PCDH15: variants seen among roughly 807,000 people sequenced by gnomAD.
The protein encoded by PCDH15 is protocadherin-15.
A neutral mutation model predicts 178.5 loss-of-function variants in PCDH15; 129 were observed. The ratio of observed to expected loss-of-function variants is 0.72; its 90% CI spans 0.63 to 0.84. The LOEUF (loss-of-function observed/expected upper bound fraction) is 0.84. Ranked by LOEUF, PCDH15 falls within the 40% of genes least tolerant of loss-of-function variation. The probability of loss-of-function intolerance (pLI) is 0.00; values close to 1 mark genes in which losing one functional copy is unlikely to be tolerated. For missense variants in PCDH15, 2,230 were observed against 2,099.9 expected, an observed-to-expected ratio of 1.06 and a Z score of -1.21; for synonymous variants, 800 against 732.0, an observed-to-expected ratio of 1.09 and a Z score of -1.50.
intron 2 of PCDH15, among the ~76,000 whole-genome samples, chr10:55,079,958 T>C (rs1841995811): frequency 6.6e-6 from 1 of 152,084 alleles, no homozygotes; most frequent in Admixed American, 6.5e-5. Context: ...GCTTAGGCTC[T>C]AGTAGGTAGA....
At chr10:54,871,387 T>C (rs1954037378) in intron 3 of PCDH15, among the ~76,000 whole-genome samples, 1 of 150,848 alleles carries the variant, frequency 6.6e-6, no homozygotes, top group African/African-American at 2.4e-5. Context: ...AATAAGCTAC[T>C]TGAAAAAAAA....
At chr10:53,824,592 C>G (rs2076546445) in intron 32 of PCDH15, among the ~76,000 whole-genome samples, 2 of 152,054 alleles carry the variant, frequency 1.3e-5, no homozygotes, top group South Asian at 4.1e-4. Context: ...CCTACTTGGA[C>G]AACAAAGAAA....
chr10:54,830,158 T>C (rs1465760361), intron 3 of PCDH15, among the ~76,000 whole-genome samples: 1 of 152,178 alleles, frequency 6.6e-6, no homozygotes, highest in Non-Finnish European at 1.5e-5. Flanking sequence ...AGTTCAACCA[T>C]TGTGGAAGTC....
chr10:54,102,328 G>T (rs1280174314), intron 15 of PCDH15, among the ~76,000 whole-genome samples: 1 of 152,178 alleles, frequency 6.6e-6, no homozygotes, highest in East Asian at 1.9e-4. Context: ...TTTCCGGTGG[G>T]CCTTATGGAC....
intron 30 of PCDH15, among the ~76,000 whole-genome samples, chr10:53,830,545 A>G (rs1398462759): frequency 6.6e-6 from 1 of 152,190 alleles, no homozygotes; most frequent in Non-Finnish European, 1.5e-5. Context: ...TATACTTAAA[A>G]TGTGTGGCTC....
At chr10:54,056,889 A>G (rs2093902733) in intron 18 of PCDH15, among the ~76,000 whole-genome samples, 1 of 152,208 alleles carries the variant, frequency 6.6e-6, no homozygotes, top group Non-Finnish European at 1.5e-5. Flanking sequence ...AAATATACCC[A>G]TTCCAAATGA....
At chr10:54,759,637 A>T (rs574718256) in intron 1 of PCDH15, among the ~76,000 whole-genome samples, 14 of 152,334 alleles carry the variant, frequency 9.2e-5, no homozygotes, top group African/African-American at 3.4e-4. Flanking sequence ...GCGTATTTTT[A>T]AAATTGTTAT....
intron 1 of PCDH15, among the ~76,000 whole-genome samples, chr10:55,278,069 T>C (rs1282062809): frequency 1.3e-5 from 2 of 152,124 alleles, no homozygotes; most frequent in African/African-American, 4.8e-5. Flanking sequence ...CAGAAAAAGA[T>C]ACATCATAAA....
chr10:54,454,462 T>C (rs1318159572), intron 3 of PCDH15, among the ~76,000 whole-genome samples: 1 of 148,994 alleles, frequency 6.7e-6, no homozygotes, highest in Non-Finnish European at 1.5e-5. Context: ...AATTAATTTT[T>C]AATTAATAAT....
At chr10:54,091,026 C>T (rs529931539) in intron 15 of PCDH15, among the ~76,000 whole-genome samples, 1 of 152,188 alleles carries the variant, frequency 6.6e-6, no homozygotes, top group South Asian at 2.1e-4. Context: ...GAGAAGAAAA[C>T]ATATAGTTTG....
At chr10:54,454,617 G>A (rs1033799185) in intron 3 of PCDH15, among the ~76,000 whole-genome samples, 1 of 151,886 alleles carries the variant, frequency 6.6e-6, no homozygotes, top group Non-Finnish European at 1.5e-5. Flanking sequence ...TCAATGTGGT[G>A]TTTTATTCCT....
chr10:53,868,247 T>G (rs1336191040), intron 26 of PCDH15, among the ~76,000 whole-genome samples: 1 of 151,924 alleles, frequency 6.6e-6, no homozygotes, highest in African/African-American at 2.4e-5. Flanking sequence ...TATCCGATTA[T>G]TCTTATTTTT....
At chr10:54,622,421 T>C (rs973239501) in intron 2 of PCDH15, among the ~76,000 whole-genome samples, 1 of 148,838 alleles carries the variant, frequency 6.7e-6, no homozygotes, top group Non-Finnish European at 1.5e-5. Context: ...AATTTTGTTT[T>C]CCATGAGTTC....
At chr10:54,424,100 T>C (rs1955911451) in intron 3 of PCDH15, among the ~76,000 whole-genome samples, 1 of 151,760 alleles carries the variant, frequency 6.6e-6, no homozygotes, top group South Asian at 2.1e-4. Context: ...GGAGAAAAGT[T>C]TGCAATCTAC....
chr10:55,372,238 G>A (rs1015376877), intron 2 of PCDH15, among the ~76,000 whole-genome samples: 12 of 152,054 alleles, frequency 7.9e-5, no homozygotes, highest in Non-Finnish European at 4.4e-5. Flanking sequence ...GCTCTTAAAT[G>A]TCCAAGCTCT....
intron 2 of PCDH15, among the ~76,000 whole-genome samples, chr10:55,582,323 T>A (rs1842630651): frequency 6.6e-6 from 1 of 152,104 alleles, no homozygotes; most frequent in Non-Finnish European, 1.5e-5. Context: ...TAATCTACCA[T>A]GCAATTTATC....
At chr10:55,487,512 A>G (rs1385624965) in intron 2 of PCDH15, among the ~76,000 whole-genome samples, 1 of 151,584 alleles carries the variant, frequency 6.6e-6, no homozygotes, top group Non-Finnish European at 1.5e-5. Flanking sequence ...CTCTCATAGC[A>G]TCTATCTGAG....
intron 3 of PCDH15, among the ~76,000 whole-genome samples, chr10:54,831,448 T>C (rs973401324): frequency 3.9e-5 from 6 of 152,122 alleles, no homozygotes; most frequent in Non-Finnish European, 8.8e-5. Flanking sequence ...TTTTTTTCTA[T>C]TTTACCAGTT....
rs565306740 is a variant in PCDH15 at position 54,660,280 on chromosome 10, A to T, written c.91+3892T>A. 2.0e-5 allele frequency among the ~76,000 whole-genome samples: 3 copies of T among 152,268 alleles called. No individual in the cohort carries two copies. The East Asian group carries it at 5.8e-4, about 29-fold the overall frequency. On this transcript the variant is annotated intron_variant, in intron 2 of 37. Coordinates refer to ENST00000644397, the MANE Select transcript of PCDH15 (RefSeq NM_001384140.1). ...AACCGATACCACAGAAATACAAAAT[A>T]TATTCAGAGTAGTCTATGTAAATTC...
Sources: gnomAD v4.1 joint callset for allele counts (sites outside exome capture counted in the v4.1 genomes callset) on GRCh38, gnomAD v4.1.1 for gene constraint, MANE v1.5 for transcripts, NCBI Gene and HGNC (gene_info 2026-07-23, HGNC 2026-07-21) for gene names.